Variants in SYT9 observed in about 807,000 individuals in gnomAD.
SYT9 encodes the protein synaptotagmin-9.
SYT9 carries 22 observed loss-of-function variants against 48.4 expected under a neutral mutation model. That is an observed-to-expected ratio of 0.45 (90% CI 0.32 to 0.65). The LOEUF is 0.65. Among genes scored for constraint, SYT9 ranks in the 30% least tolerant of loss-of-function variants. SYT9 has a pLI of 0.03. For synonymous variants in SYT9, 265 were observed against 245.0 expected (o/e 1.08, Z -0.76); for missense variants, 577 against 622.0 (o/e 0.93, Z 0.77).
chr11:7,424,721 G>C (rs1847421778), intron 6 of SYT9, among the ~76,000 whole-genome samples: 1 of 152,138 alleles, frequency 6.6e-6, no homozygotes, highest in South Asian at 2.1e-4. Flanking sequence ...ATAGGCATAG[G>C]TGTAGGATTC....
intron 1 of SYT9, among the ~76,000 whole-genome samples, chr11:7,300,337 T>C (rs1325844466): frequency 6.6e-6 from 1 of 152,222 alleles, no homozygotes; most frequent in Non-Finnish European, 1.5e-5. Context: ...GAGAGCTCTT[T>C]TCTCATGCAG....
chr11:7,251,099 G>GACACACACACACACACAC (rs369736479), upstream of SYT9, among the ~76,000 whole-genome samples: 94 of 132,000 alleles, frequency 7.1e-4, no homozygotes, highest in East Asian at 2.7e-3. Flanking sequence ...GTGGCACAGT[G>GACACACACACACACACAC]ACACACACAC....
rs10631365 is a variant in SYT9 at position 7,243,943 on chromosome 11, ATT to A, written c.49+5039_49+5040del. 1.0e-3 allele frequency among the ~76,000 whole-genome samples: 152 copies of A among 148,064 alleles called. 1 individual carries two copies. Among genetic ancestry groups the A allele is most frequent in the Middle Eastern group, 3.5e-3 (1 of 282 alleles). On this transcript the variant is annotated intron_variant and NMD_transcript_variant, in intron 1 of 8. Transcript: ENST00000524820. The stretch of plus-strand genomic sequence containing the variant: ...AGACAGCTCTAGGGATGCAGAAAGC[ATT>A]TTTTTTTTTTTAAATTCATCTGTTG...
chr11:7,351,140 G>A (rs1849907376), intron 3 of SYT9, among the ~76,000 whole-genome samples: 1 of 152,140 alleles, frequency 6.6e-6, no homozygotes, highest in Admixed American at 6.5e-5. Flanking sequence ...CCTTGAAAAA[G>A]ATGAAGTGGT....
At chr11:7,348,737 G>A (rs10839769) in intron 3 of SYT9, among the ~76,000 whole-genome samples, 69,379 of 124,822 alleles carry the variant, frequency 0.56, 20,177 homozygotes, top group Non-Finnish European at 0.67. Flanking sequence ...AAGTGCGGAT[G>A]GGTGGATTTT....
At chr11:7,405,356 A>G (rs191458457) in intron 3 of SYT9, among the ~76,000 whole-genome samples, 2 of 152,100 alleles carry the variant, frequency 1.3e-5, no homozygotes, top group South Asian at 2.1e-4. Context: ...GATAGTGTCA[A>G]ATGTCTCGTT....
chr11:7,351,163 T>C (rs1471309969), intron 3 of SYT9, among the ~76,000 whole-genome samples: 5 of 152,264 alleles, frequency 3.3e-5, no homozygotes, highest in Admixed American at 6.5e-5. Flanking sequence ...ATATTGCCTG[T>C]TTCTTAATGG....
At chr11:7,323,452 C>A (rs964312829) in intron 3 of SYT9, among the ~76,000 whole-genome samples, 4 of 151,924 alleles carry the variant, frequency 2.6e-5, no homozygotes, top group Admixed American at 6.6e-5. Flanking sequence ...CTTGCTCTCC[C>A]TACCTCATCT....
chr11:7,389,838 A>T (rs542978093), intron 3 of SYT9, among the ~76,000 whole-genome samples: 1 of 152,166 alleles, frequency 6.6e-6, no homozygotes, highest in African/African-American at 2.4e-5. Flanking sequence ...GGGAGGAAAA[A>T]AAAACCTACA....
intron 6 of SYT9, among the ~76,000 whole-genome samples, chr11:7,445,806 C>T (rs1038661205): frequency 6.6e-6 from 1 of 152,186 alleles, no homozygotes; most frequent in Non-Finnish European, 1.5e-5. Flanking sequence ...CAGACTGTTC[C>T]TAACACTGGA....
intron 1 of SYT9, among the ~76,000 whole-genome samples, chr11:7,283,147 GTATATA>G (rs35272670): frequency 5.2e-4 from 73 of 139,862 alleles, no homozygotes; most frequent in Non-Finnish European, 9.1e-4. Context: ...GTATGTGTGT[GTATATA>G]TATATATATA....
At chr11:7,401,197 A>G (rs996316622) in intron 3 of SYT9, among the ~76,000 whole-genome samples, 25 of 151,716 alleles carry the variant, frequency 1.6e-4, no homozygotes, top group African/African-American at 6.0e-4. Context: ...TTACTAAACA[A>G]CTTTTTTTTG....
intron 6 of SYT9, among the ~76,000 whole-genome samples, chr11:7,465,081 C>T (rs375882038): frequency 6.6e-6 from 1 of 151,444 alleles, no homozygotes; most frequent in South Asian, 2.1e-4. Flanking sequence ...AGCAAGACTC[C>T]ATCTCAAAAA....
chr11:7,266,969 C>T (rs1421120522), intron 1 of SYT9, among the ~76,000 whole-genome samples: 3 of 152,002 alleles, frequency 2.0e-5, no homozygotes, highest in African/African-American at 7.2e-5. Flanking sequence ...CATTTGTCTA[C>T]TGATTTATAT....
chr11:7,259,066 A>G (rs1397725894), intron 1 of SYT9, among the ~76,000 whole-genome samples: 1 of 152,106 alleles, frequency 6.6e-6, no homozygotes, highest in Non-Finnish European at 1.5e-5. Context: ...ATGGCACATA[A>G]TTATACAAAA....
chr11:7,403,295 C>CA (rs1846934093), intron 3 of SYT9, among the ~76,000 whole-genome samples: 1 of 152,172 alleles, frequency 6.6e-6, no homozygotes, highest in African/African-American at 2.4e-5. Context: ...CACAGTGGCT[C>CA]ATGCCTGTAA....
At chr11:7,432,924 C>T (rs993361110) in intron 6 of SYT9, among the ~76,000 whole-genome samples, 2 of 151,950 alleles carry the variant, frequency 1.3e-5, no homozygotes, top group African/African-American at 4.8e-5. Flanking sequence ...ATGGGAAGAA[C>T]ATGAGATTTG....
intron 3 of SYT9, among the ~76,000 whole-genome samples, chr11:7,351,882 G>A (rs1479494351): frequency 6.6e-6 from 1 of 152,210 alleles, no homozygotes; most frequent in African/African-American, 2.4e-5. Flanking sequence ...CTATTTCAGA[G>A]TCTGTTGTAT....
intron 1 of SYT9, among the ~76,000 whole-genome samples, chr11:7,277,009 G>A (rs980896563): frequency 6.6e-6 from 1 of 152,016 alleles, no homozygotes; most frequent in Non-Finnish European, 1.5e-5. Flanking sequence ...AGCCGAGATC[G>A]CGCCACTGCA....
Sources: gnomAD v4.1 joint callset for allele counts (sites outside exome capture counted in the v4.1 genomes callset) on GRCh38, gnomAD v4.1.1 for gene constraint, MANE v1.5 for transcripts, NCBI Gene and HGNC (gene_info 2026-07-23, HGNC 2026-07-21) for gene names.